Variants in LRRFIP1 observed in about 807,000 individuals in gnomAD.
LRRFIP1 encodes LRR binding FLII interacting protein 1, also known as leucine-rich repeat flightless-interacting protein 1.
LRRFIP1 carries 62 observed loss-of-function variants against 104.4 expected under a neutral mutation model. That is an observed-to-expected ratio of 0.59 (90% CI 0.48 to 0.73). The LOEUF is 0.73. Among genes scored for constraint, LRRFIP1 ranks in the 30% least tolerant of loss-of-function variants. The pLI is 0.00. For missense variants in LRRFIP1, 796 were observed against 824.5 expected, an observed-to-expected ratio of 0.97 and a Z score of 0.42; for synonymous variants, 300 against 299.0, an observed-to-expected ratio of 1.00 and a Z score of -0.03.
At chr2:237,743,358 C>T (rs569838418) in intron 11 of LRRFIP1, among the ~76,000 whole-genome samples, 1 of 152,260 alleles carries the variant, frequency 6.6e-6, no homozygotes, top group Middle Eastern at 3.4e-3. Context: ...GACTGCTTGT[C>T]CCACTTCGAG....
At chr2:237,660,021 T>A (rs2087573926) in intron 1 of LRRFIP1, among the ~76,000 whole-genome samples, 1 of 152,194 alleles carries the variant, frequency 6.6e-6, no homozygotes, top group African/African-American at 2.4e-5. Flanking sequence ...TTTAGCTTTG[T>A]CTTACATAGA....
intron 19 of LRRFIP1, chr2:237,765,435 TAAAA>T (rs60482580): frequency 4.9e-3 from 2,196 of 450,636 alleles, no homozygotes; most frequent in Middle Eastern, 7.3e-3. Context: ...ACACTGTCTC[TAAAA>T]AAAAAAAAAA....
chr2:237,686,301 C>T (rs2092364209), intron 1 of LRRFIP1, among the ~76,000 whole-genome samples: 1 of 152,094 alleles, frequency 6.6e-6, no homozygotes. Flanking sequence ...CAATAAAAGA[C>T]CTATTAGATG....
intron 8 of LRRFIP1, among the ~76,000 whole-genome samples, chr2:237,731,178 A>G (rs2094989591): frequency 6.6e-6 from 1 of 152,076 alleles, no homozygotes; most frequent in Non-Finnish European, 1.5e-5. Flanking sequence ...TTCCTCTGCG[A>G]TTTCCTTTAG....
intron 1 of LRRFIP1, among the ~76,000 whole-genome samples, chr2:237,670,800 T>G (rs80121146): frequency 0.014 from 2,173 of 152,320 alleles, 40 homozygotes; most frequent in African/African-American, 0.049. Context: ...CTAGAAAGCA[T>G]GATTGTTCCT....
chr2:237,758,578 A>G (rs1026354534), intron 17 of LRRFIP1, 151 bp from the exon 18 acceptor site: 1 of 570,388 alleles, frequency 1.8e-6, no homozygotes, highest in African/African-American at 1.9e-5. Context: ...TAATACTTGG[A>G]TTTTGTTAGT....
At chr2:237,708,976 G>A (rs1482920788) in intron 2 of LRRFIP1, among the ~76,000 whole-genome samples, 4 of 152,246 alleles carry the variant, frequency 2.6e-5, no homozygotes, top group Non-Finnish European at 5.9e-5. Context: ...AAGTGGAAAA[G>A]AAGAACGGAT....
intron 20 of LRRFIP1, among the ~76,000 whole-genome samples, chr2:237,771,323 C>T (rs62196062): frequency 2.0e-5 from 3 of 148,236 alleles, no homozygotes; most frequent in Non-Finnish European, 4.5e-5. Context: ...AAAAAAAACC[C>T]ATAAATTCCG....
chr2:237,764,388 T>C (rs1183908498), intron 19 of LRRFIP1: 1 of 1,419,686 alleles, frequency 7.0e-7, no homozygotes, highest in Non-Finnish European at 9.2e-7. Context: ...ATTCCAGTAG[T>C]ATCAAACAAT....
intron 17 of LRRFIP1, among the ~76,000 whole-genome samples, chr2:237,758,080 T>A (rs984787915): frequency 6.6e-6 from 1 of 152,118 alleles, no homozygotes; most frequent in East Asian, 1.9e-4. Context: ...GTAGTTGTCA[T>A]GATTGGTAAC....
chr2:237,753,223 G>C (rs2058848428), intron 14 of LRRFIP1, 86 bp from the exon 15 acceptor site: 1 of 1,031,418 alleles, frequency 9.7e-7, no homozygotes, highest in Admixed American at 3.0e-5. Context: ...GTTTAGGACT[G>C]AGGGTTTTTT....
At chr2:237,704,041 C>T (rs982742444) in intron 1 of LRRFIP1, among the ~76,000 whole-genome samples, 4 of 152,134 alleles carry the variant, frequency 2.6e-5, no homozygotes, top group African/African-American at 9.7e-5. Flanking sequence ...CCCCTGCCTG[C>T]ACAGTCAGCG....
chr2:237,778,897 A>C (rs2061314682), intron 23 of LRRFIP1, among the ~76,000 whole-genome samples: 1 of 150,096 alleles, frequency 6.7e-6, no homozygotes, highest in Non-Finnish European at 1.5e-5. Context: ...GGCCTGGGTG[A>C]CAGAGCGAGA....
intron 16 of LRRFIP1, among the ~76,000 whole-genome samples, chr2:237,756,930 T>C (rs2059334831): frequency 6.6e-6 from 1 of 151,440 alleles, no homozygotes; most frequent in South Asian, 2.1e-4. Flanking sequence ...AAGGCAGAAG[T>C]AGAAGATGTG....
At chr2:237,731,176 C>T (rs983453172) in intron 8 of LRRFIP1, among the ~76,000 whole-genome samples, 16 of 152,210 alleles carry the variant, frequency 1.1e-4, no homozygotes, top group Non-Finnish European at 2.1e-4. Context: ...AATTCCTCTG[C>T]GATTTCCTTT....
chr2:237,694,788 C>G (rs79709699), intron 1 of LRRFIP1, among the ~76,000 whole-genome samples: 77 of 152,314 alleles, frequency 5.1e-4, no homozygotes, highest in Non-Finnish European at 9.4e-4. Context: ...GGGTCCGATG[C>G]GGACAGTGGA....
intron 1 of LRRFIP1, among the ~76,000 whole-genome samples, chr2:237,634,632 C>T (rs2082842231): frequency 6.6e-6 from 1 of 152,176 alleles, no homozygotes; most frequent in South Asian, 2.1e-4. Flanking sequence ...ATAGTAAATG[C>T]TCAGTAAATG....
chr2:237,647,200 A>G (rs11884163), intron 1 of LRRFIP1, among the ~76,000 whole-genome samples: 1,802 of 152,094 alleles, frequency 0.012, 41 homozygotes, highest in African/African-American at 0.041. Flanking sequence ...AACATTCTGA[A>G]GACCCATAGG....
intron 19 of LRRFIP1, chr2:237,764,331 A>C: frequency 6.7e-7 from 1 of 1,490,726 alleles, no homozygotes; most frequent in Non-Finnish European, 8.9e-7. Flanking sequence ...GTTATCACCC[A>C]GATTAGAAAG....
Sources: gnomAD v4.1 joint callset for allele counts (sites outside exome capture counted in the v4.1 genomes callset) on GRCh38, gnomAD v4.1.1 for gene constraint, MANE v1.5 for transcripts, NCBI Gene and HGNC (gene_info 2026-07-23, HGNC 2026-07-21) for gene names.